The following FOXO3 variants were observed in gnomAD, a reference collection of about 807,000 sequenced individuals.
FOXO3 encodes forkhead box protein O3.
Under a neutral mutation model 41.9 loss-of-function variants are expected in FOXO3, and 4 were observed. That is an observed-to-expected ratio of 0.10 (90% CI 0.05 to 0.22). The LOEUF is 0.22. Among genes scored for constraint, FOXO3 ranks in the 10% least tolerant of loss-of-function variants. FOXO3 has a pLI of 1.00. For synonymous variants in FOXO3, 318 were observed against 389.3 expected (o/e 0.82, Z 2.16); for missense variants, 534 against 906.8 (o/e 0.59, Z 5.28).
Position 108,583,209 on chromosome 6 carries a change from T to C in FOXO3, c.621+21380T>C, listed in dbSNP as rs573286404. Among the ~76,000 whole-genome samples, 12 of 152,336 alleles carry C rather than the reference T, an allele frequency of 7.9e-5. No homozygotes were observed. The South Asian group carries it at 2.3e-3, about 29-fold the overall frequency. On this transcript the variant is annotated intron_variant, in intron 1 of 2. Coordinates refer to ENST00000406360, the MANE Select transcript of FOXO3 (RefSeq NM_001455.4). ...CCTCGCTTCAGACTCACTACTTTAT[T>C]TTCTAGGGAAGAACTAGGCTTTTTA...
At chr6:108,626,939 G>A (rs1777827377) in intron 1 of FOXO3, among the ~76,000 whole-genome samples, 1 of 152,196 alleles carries the variant, frequency 6.6e-6, no homozygotes, top group Admixed American at 6.5e-5. Flanking sequence ...TTTTTATCCT[G>A]TAGGGCAGGA....
Position 108,561,171 on chromosome 6 carries a change from G to C in FOXO3, c.-38G>C, listed in dbSNP as rs1775772193. 2 of 1,517,982 alleles carry C rather than the reference G, an allele frequency of 1.3e-6. No individual in the cohort carries two copies. The highest frequency in any genetic ancestry group is 1.8e-6 in the Non-Finnish European group (2 of 1,136,192). 94.0% of individuals were successfully genotyped at this position (1,517,982 alleles called of 1,614,324 possible). On this transcript the variant is annotated 5_prime_UTR_variant, in exon 1 of 3. Transcript: ENST00000406360. ...CACCCCGCCCCGGCGCGAGAGGAGA[G>C]CGCGAGAGCCCCAGCCGCGGGCGGG...
chr6:108,674,015 A>T (rs888020496), intron 2 of FOXO3, among the ~76,000 whole-genome samples: 18 of 152,246 alleles, frequency 1.2e-4, no homozygotes, highest in Admixed American at 1.1e-3. Flanking sequence ...ATAGGAGAAG[A>T]TAAACCTTTT....
chr6:108,647,388 A>G (rs1778421211), intron 1 of FOXO3, among the ~76,000 whole-genome samples: 1 of 152,170 alleles, frequency 6.6e-6, no homozygotes, highest in Non-Finnish European at 1.5e-5. Context: ...CTGCTGCCTA[A>G]GTGGAGTGAG....
chr6:108,634,649 G>A (rs180774110), intron 1 of FOXO3, among the ~76,000 whole-genome samples: 74 of 152,170 alleles, frequency 4.9e-4, no homozygotes, highest in Admixed American at 7.2e-4. Context: ...TATGGGATTT[G>A]TTTCAGAGTG....
chr6:108,616,234 G>A (rs965714407), intron 1 of FOXO3, among the ~76,000 whole-genome samples: 2 of 147,240 alleles, frequency 1.4e-5, no homozygotes, highest in Non-Finnish European at 3.0e-5. Flanking sequence ...GCGCAGTCTC[G>A]GCTCACTGCA....
At chr6:108,644,945 A>C (rs1778354922) in intron 1 of FOXO3, among the ~76,000 whole-genome samples, 1 of 152,218 alleles carries the variant, frequency 6.6e-6, no homozygotes, top group Non-Finnish European at 1.5e-5. Context: ...AAATCTATGA[A>C]TGAGACCAGG....
At chr6:108,563,424 AAGTT>A (rs1323071689) in intron 1 of FOXO3, among the ~76,000 whole-genome samples, 1 of 152,246 alleles carries the variant, frequency 6.6e-6, no homozygotes, top group African/African-American at 2.4e-5. Context: ...GAAAGGATGA[AAGTT>A]AGACAATTCC....
intron 1 of FOXO3, among the ~76,000 whole-genome samples, chr6:108,616,278 C>T (rs1311428933): frequency 1.3e-5 from 2 of 151,290 alleles, no homozygotes; most frequent in African/African-American, 4.9e-5. Context: ...CATTCTCCTA[C>T]CTCAGCCTCC....
At chr6:108,615,517 T>C (rs1014062704) in intron 1 of FOXO3, among the ~76,000 whole-genome samples, 3 of 152,010 alleles carry the variant, frequency 2.0e-5, no homozygotes, top group African/African-American at 7.2e-5. Context: ...TTTTTTTTTG[T>C]ATCACTGGTT....
chr6:108,618,054 C>T (rs1399976424), intron 1 of FOXO3: 15 of 702,502 alleles, frequency 2.1e-5, no homozygotes, highest in Non-Finnish European at 4.0e-5. Flanking sequence ...CTTCATTCTC[C>T]ATTTCCAACT....
chr6:108,605,123 CT>C (rs71714857), intron 1 of FOXO3, among the ~76,000 whole-genome samples: 11 of 151,462 alleles, frequency 7.3e-5, no homozygotes, highest in African/African-American at 2.7e-4. Flanking sequence ...ACTAACTTTT[CT>C]TTTTTTTTCC....
chr6:108,665,933 C>T (rs1779046206), intron 2 of FOXO3, among the ~76,000 whole-genome samples: 2 of 151,644 alleles, frequency 1.3e-5, no homozygotes, highest in South Asian at 4.2e-4. Flanking sequence ...AGTTTCCAAA[C>T]ATAGAGTGAC....
intron 1 of FOXO3, among the ~76,000 whole-genome samples, chr6:108,641,425 A>G (rs929341982): frequency 1.3e-5 from 2 of 152,144 alleles, no homozygotes; most frequent in Non-Finnish European, 2.9e-5. Context: ...CAGAGCCCTA[A>G]AGAACCTCTA....
chr6:108,654,340 C>G (rs1270349569), intron 1 of FOXO3, among the ~76,000 whole-genome samples: 2 of 152,020 alleles, frequency 1.3e-5, no homozygotes, highest in African/African-American at 2.4e-5. Flanking sequence ...AAAATCCACC[C>G]TAGAAAACCC....
chr6:108,600,907 T>TTGTGTTAA (rs1562240117), intron 1 of FOXO3, among the ~76,000 whole-genome samples: 1 of 152,234 alleles, frequency 6.6e-6, no homozygotes, highest in Non-Finnish European at 1.5e-5. Flanking sequence ...CTAGTTCCCC[T>TTGTGTTAA]TGTGTTAATA....
intron 1 of FOXO3, among the ~76,000 whole-genome samples, chr6:108,629,025 A>G (rs909785650): frequency 6.6e-6 from 1 of 152,192 alleles, no homozygotes; most frequent in Non-Finnish European, 1.5e-5. Flanking sequence ...ACTGGCTGAA[A>G]TCGAGCAAGT....
intron 1 of FOXO3, among the ~76,000 whole-genome samples, chr6:108,661,642 T>C (rs1186700733): frequency 1.3e-5 from 2 of 152,326 alleles, no homozygotes; most frequent in East Asian, 3.9e-4. Flanking sequence ...ACATCATCCC[T>C]GTACAGAGAT....
intron 1 of FOXO3, among the ~76,000 whole-genome samples, chr6:108,637,396 T>C (rs1214169017): frequency 6.6e-6 from 1 of 152,138 alleles, no homozygotes; most frequent in South Asian, 2.1e-4. Context: ...CTTAACCTTA[T>C]TACAGCTAAG....
Sources: gnomAD v4.1 joint callset for allele counts (sites outside exome capture counted in the v4.1 genomes callset) on GRCh38, gnomAD v4.1.1 for gene constraint, MANE v1.5 for transcripts, NCBI Gene and HGNC (gene_info 2026-07-23, HGNC 2026-07-21) for gene names.